The following SLC43A1 variants were observed in gnomAD, a reference collection of about 807,000 sequenced individuals.
The protein encoded by SLC43A1 is solute carrier family 43 member 1, also known as large neutral amino acids transporter small subunit 3.
In SLC43A1, 31 loss-of-function variants were observed where a neutral mutation model predicts 59.5. The observed-to-expected ratio is 0.52, with a 90% confidence interval of 0.39 to 0.70. The LOEUF (loss-of-function observed/expected upper bound fraction) is 0.70, where lower values mean the gene tolerates loss of function less well. Ranked by LOEUF, SLC43A1 falls within the 30% of genes least tolerant of loss-of-function variation. The probability of loss-of-function intolerance (pLI) is 0.00; values close to 1 mark genes in which losing one functional copy is unlikely to be tolerated. For missense variants in SLC43A1, 598 were observed against 717.8 expected, an observed-to-expected ratio of 0.83 and a Z score of 1.91; for synonymous variants, 259 against 290.9, an observed-to-expected ratio of 0.89 and a Z score of 1.12.
chr11:57,491,972 G>A, intron 8 of SLC43A1, 110 bp from the exon 9 acceptor site: 1 of 1,054,168 alleles, frequency 9.5e-7, no homozygotes, highest in Non-Finnish European at 1.4e-6. Flanking sequence ...TGACTTTGGA[G>A]AGAGACTGGT....
intron 7 of SLC43A1, among the ~76,000 whole-genome samples, chr11:57,495,574 C>G (rs1185837716): frequency 6.6e-6 from 1 of 152,114 alleles, no homozygotes; most frequent in African/African-American, 2.4e-5. Context: ...CGCCTGTAAT[C>G]GGACACTTTG....
rs1158078903 is a variant in SLC43A1, at chr11:57,515,027, G to T, written c.-14+417C>A. 14 of 984,838 alleles carry T rather than the reference G, an allele frequency of 1.4e-5. No homozygotes were observed. The highest frequency in any genetic ancestry group is 1.8e-5 in the African/African-American group (1 of 57,080). The allele number at this position is 984,838 out of a possible 1,614,324, so 61.0% of individuals were successfully genotyped here. On this transcript the variant is annotated intron_variant, in intron 1 of 14. Coordinates refer to ENST00000278426, the MANE Select transcript of SLC43A1 (RefSeq NM_003627.6). This position sits in a 1 kb window ranked among gnomAD's most constrained non-coding sequence, Gnocchi z 5.3. ...CGCGGGCGGCGCGGGGGCGGGGAGC[G>T]ACAACTGGGATGAGACCGAGGAAAG...
chr11:57,496,254 G>C lies in SLC43A1; in HGVS notation c.559-90C>G, dbSNP rs192427020. ...CCCAGGCCTCAGAGGCCTTAAAGAAGTTCTCTTCTCCCCTTGTCCTTGTGC... is the reference window on the plus strand; with the variant it reads ...CCCAGGCCTCAGAGGCCTTAAAGAACTTCTCTTCTCCCCTTGTCCTTGTGC... On this transcript the variant is annotated intron_variant, in intron 6 of 14. Coordinates refer to ENST00000278426, the MANE Select transcript of SLC43A1 (RefSeq NM_003627.6). 1.1e-4 allele frequency: 154 copies of C among 1,460,436 alleles called. No individual in the cohort carries two copies. The East Asian group carries it at 1.8e-3, about 17-fold the overall frequency. The allele number at this position is 1,460,436 out of a possible 1,614,324, so 90.5% of individuals were successfully genotyped here. A position where few individuals can be genotyped will look rare whatever the true frequency, so the allele number is the denominator to read the frequency against.
intron 2 of SLC43A1, among the ~76,000 whole-genome samples, chr11:57,510,346 T>C (rs1944506008): frequency 6.7e-6 from 1 of 149,936 alleles, no homozygotes; most frequent in Non-Finnish European, 1.5e-5. Context: ...TAATCCCATC[T>C]ACTCAGGAGG....
chr11:57,514,702 AGCCAACAGCT>A lies in SLC43A1; in HGVS notation c.-13-588_-13-579del. The stretch of plus-strand genomic sequence containing the variant: ...CACGACCCTACAGTCTCTCGGGCCA[AGCCAACAGCT>A]GCCACGTGGAGGGAGACCCAGGACG... On this transcript the variant is annotated intron_variant, in intron 1 of 14. Transcript: ENST00000278426. The surrounding 1 kb of genome is among the most constrained non-coding windows in gnomAD (Gnocchi z 5.5). The A allele has an allele frequency of 2.0e-6, 1 of 500,448 alleles. No individual in the cohort carries two copies. Among genetic ancestry groups the A allele is most frequent in the Non-Finnish European group, 2.6e-6 (1 of 386,308 alleles). 31.0% of individuals were successfully genotyped at this position (500,448 alleles called of 1,614,324 possible).
At position 57,510,860 on chromosome 11, in the gene SLC43A1, C is replaced by T. The variant is rs191006127; in HGVS notation, c.154+3098G>A. Among the ~76,000 whole-genome samples the T allele has an allele frequency of 1.5e-3, 230 of 151,726 alleles. 1 individual carries two copies. Among genetic ancestry groups the T allele is most frequent in the African/African-American group, 5.3e-3 (221 of 41,376 alleles). The stretch of plus-strand genomic sequence containing the variant: ...TACAAAAATTAGCCGAGCATGGTGG[C>T]GGGCGCCTGTACCTGGGAGGCTAAG... On this transcript the variant is annotated intron_variant, in intron 2 of 14. Coordinates refer to ENST00000278426, the MANE Select transcript of SLC43A1 (RefSeq NM_003627.6).
intron 7 of SLC43A1, among the ~76,000 whole-genome samples, chr11:57,494,914 T>C (rs1944033971): frequency 6.6e-6 from 1 of 151,780 alleles, no homozygotes; most frequent in South Asian, 2.1e-4. Context: ...AATGGCACGA[T>C]CTCGGCTCAC....
At chr11:57,496,607 G>A (rs563547463) in intron 6 of SLC43A1, among the ~76,000 whole-genome samples, 3 of 152,270 alleles carry the variant, frequency 2.0e-5, no homozygotes, top group South Asian at 4.1e-4. Flanking sequence ...ACATTCCCCA[G>A]GGGAAAAGGC....
In SLC43A1 at chr11:57,514,354, GGAA is replaced by G. The variant is rs1368956851; in HGVS notation, c.-13-233_-13-231del. 2 of 538,922 alleles carry G rather than the reference GGAA, an allele frequency of 3.7e-6. No individual in the cohort carries two copies. Among genetic ancestry groups the G allele is most frequent in the Admixed American group, 6.9e-5 (2 of 29,020 alleles). The allele number at this position is 538,922 out of a possible 1,614,324, so 33.4% of individuals were successfully genotyped here. A position where few individuals can be genotyped will look rare whatever the true frequency, so the allele number is the denominator to read the frequency against. On this transcript the variant is annotated intron_variant, in intron 1 of 14. Transcript: ENST00000278426. The surrounding 1 kb of genome is among the most constrained non-coding windows in gnomAD (Gnocchi z 5.5). ...CCCGCTGAGCCACTATCGGAAACAA[GGAA>G]GGTCCTGTCTGCGCGCTGCAGCTTC... is the stretch of plus-strand genomic sequence containing the variant.
chr11:57,487,166 C>A lies in SLC43A1; in HGVS notation c.1462G>T (p.Ala488Ser), dbSNP rs767570648. 1 of 1,614,098 alleles carries A rather than the reference C, an allele frequency of 6.2e-7. No homozygotes were observed. The highest frequency in any genetic ancestry group is 8.5e-7 in the Non-Finnish European group (1 of 1,179,976). The change falls in exon 14 of 15, where the codon GCT becomes TCT. Residue 488 changes from alanine to serine, a missense_variant. Physicochemically the swap from Ala to Ser is moderately conservative, Grantham distance 99. Transcript: ENST00000278426. ...GGCTGCTGAAGCAAGGCGAACACAG[C>A]ACTGATGAGGGACTGCAGGCCTGTC... ...TLTGLQSLIS[A>S]VFALLQQPLF...
chr11:57,510,998 AT>A (rs975031709), intron 2 of SLC43A1, among the ~76,000 whole-genome samples: 6 of 152,078 alleles, frequency 3.9e-5, no homozygotes, highest in African/African-American at 9.7e-5. Flanking sequence ...TAAAAAAAAA[AT>A]TTTTTTAAGA....
At chr11:57,491,941 G>T (rs985163460) in intron 8 of SLC43A1, 79 bp from the exon 9 acceptor site, 11 of 1,398,590 alleles carry the variant, frequency 7.9e-6, no homozygotes, top group South Asian at 1.2e-5. Flanking sequence ...GCAGTTCTTG[G>T]GGGGAGTGAC....
chr11:57,505,610 G>C (rs1944376547), intron 2 of SLC43A1, among the ~76,000 whole-genome samples: 2 of 152,110 alleles, frequency 1.3e-5, no homozygotes. Flanking sequence ...TATAACGTGT[G>C]GGGGTGGGTA....
At chr11:57,489,117 C>T (rs1943826969) in intron 12 of SLC43A1, 128 bp from the exon 13 acceptor site, 1 of 1,441,366 alleles carries the variant, frequency 6.9e-7, no homozygotes, top group South Asian at 1.2e-5. Context: ...ACTAGAAACA[C>T]TTCCTGGAGA....
intron 2 of SLC43A1, 85 bp downstream of exon 2, chr11:57,513,873 C>T (rs1944612843): frequency 5.5e-6 from 6 of 1,087,706 alleles, no homozygotes; most frequent in Middle Eastern, 4.8e-4. Flanking sequence ...GCTTTCTGTC[C>T]ACCTGGCCAC....
intron 2 of SLC43A1, among the ~76,000 whole-genome samples, chr11:57,509,694 G>C (rs371076069): frequency 2.5e-5 from 3 of 120,644 alleles, no homozygotes; most frequent in African/African-American, 1.0e-4. Flanking sequence ...GGGAGAGAGG[G>C]AGGGAGGGAG....
In SLC43A1 at chr11:57,507,722, T is replaced by A. The variant is rs376368746; in HGVS notation, c.154+6236A>T. ...CATATTTTTGTTAAATGACATCATT[T>A]GATCCTTAAATCATTGCTCTTTGGA... is the stretch of plus-strand genomic sequence containing the variant. On this transcript the variant is annotated intron_variant, in intron 2 of 14. Transcript: ENST00000278426. Among the ~76,000 whole-genome samples, 40 of 152,370 alleles carry A rather than the reference T, an allele frequency of 2.6e-4. 5 individuals carry two copies. Among genetic ancestry groups the A allele is most frequent in the South Asian group, 1.0e-3 (5 of 4,828 alleles).
At chr11:57,506,387 T>A (rs1944395761) in intron 2 of SLC43A1, among the ~76,000 whole-genome samples, 1 of 151,942 alleles carries the variant, frequency 6.6e-6, no homozygotes, top group Non-Finnish European at 1.5e-5. Context: ...AATTTTAAAA[T>A]TAGTCAGGTG....
intron 2 of SLC43A1, among the ~76,000 whole-genome samples, chr11:57,501,896 A>G (rs1944277967): frequency 6.6e-6 from 1 of 152,254 alleles, no homozygotes; most frequent in Non-Finnish European, 1.5e-5. Flanking sequence ...CCGATAAATG[A>G]TAGTCTGATA....
Sources: gnomAD v4.1 joint callset for allele counts (sites outside exome capture counted in the v4.1 genomes callset) on GRCh38, gnomAD v4.1.1 for gene constraint, Gnocchi (gnomAD v3.1) non-coding constraint, MANE v1.5 for transcripts, NCBI Gene and HGNC (gene_info 2026-07-23, HGNC 2026-07-21) for gene names.